The following BIN3 variants were observed in gnomAD, a reference collection of about 807,000 sequenced individuals.
BIN3 encodes bridging integrator 3.
Under a neutral mutation model 38.2 loss-of-function variants are expected in BIN3, and 41 were observed. The observed-to-expected ratio is 1.07, with a 90% CI of 0.84 to 1.39. BIN3 has a LOEUF of 1.39. Among genes scored for constraint, BIN3 ranks in the 40% most tolerant of loss-of-function variants. The pLI, the probability that BIN3 is intolerant of heterozygous loss-of-function variation, is 0.00. For missense variants in BIN3, 361 were observed against 324.3 expected, an observed-to-expected ratio of 1.11 and a Z score of -0.87; for synonymous variants, 145 against 122.6, an observed-to-expected ratio of 1.18 and a Z score of -1.21.
chr8:22,653,801 ATT>A (rs953033008), intron 1 of BIN3, among the ~76,000 whole-genome samples: 26 of 152,186 alleles, frequency 1.7e-4, no homozygotes, highest in Non-Finnish European at 1.8e-4. Context: ...GGAAAGGTCC[ATT>A]TAAGTTGGGA....
intron 4 of BIN3, among the ~76,000 whole-genome samples, chr8:22,634,253 TC>T (rs1410606894): frequency 6.6e-6 from 1 of 152,100 alleles, no homozygotes; most frequent in Non-Finnish European, 1.5e-5. Flanking sequence ...AACTCCCAAA[TC>T]CAGTCCTTGG....
At position 22,668,922 on chromosome 8, in the gene BIN3, C is replaced by T. The variant is rs1028289378; in HGVS notation, c.8+122G>A. On this transcript the variant is annotated intron_variant, in intron 1 of 8. Transcript: ENST00000276416. ...CGACCCTAGGGCAGGGGCTGTCGGG[C>T]CTTGCTCTGGGGCGGAGGGGTCGCG... is the stretch of plus-strand genomic sequence containing the variant. 4.7e-5 allele frequency: 63 copies of T among 1,331,552 alleles called. 1 individual carries two copies. In the East Asian group the frequency reaches 1.6e-3, roughly 34 times the overall value. The allele number at this position is 1,331,552 out of a possible 1,614,324, so 82.5% of individuals were successfully genotyped here. A position where few individuals can be genotyped will look rare whatever the true frequency, so the allele number is the denominator to read the frequency against.
chr8:22,661,613 C>A (rs566725913), intron 1 of BIN3, among the ~76,000 whole-genome samples: 1 of 151,820 alleles, frequency 6.6e-6, no homozygotes, highest in Admixed American at 6.6e-5. Context: ...TTGCCTTGAC[C>A]TCCCAGAGTG....
At chr8:22,658,186 G>C (rs1803120875) in intron 1 of BIN3, among the ~76,000 whole-genome samples, 1 of 152,208 alleles carries the variant, frequency 6.6e-6, no homozygotes, top group African/African-American at 2.4e-5. Flanking sequence ...GGCAGGAGAA[G>C]AGATATTTTA....
rs764939759 is a variant in BIN3 at position 22,630,039 on chromosome 8, T to C, written c.298-35A>G. 1.2e-5 allele frequency: 19 copies of C among 1,591,756 alleles called. No homozygotes were observed. In the East Asian group the frequency reaches 4.3e-4, roughly 36 times the overall value. Reference sequence around the variant, plus strand: ...AAAAACCCAAAGACATTAAAACTGGTGGGGAGGGGAGGGCGACACGCAAGG... The same window carrying C: ...AAAAACCCAAAGACATTAAAACTGGCGGGGAGGGGAGGGCGACACGCAAGG... On this transcript the variant is annotated intron_variant, in intron 5 of 8. Coordinates refer to ENST00000276416, the MANE Select transcript of BIN3 (RefSeq NM_018688.6).
chr8:22,647,705 G>A (rs545608694), intron 1 of BIN3, among the ~76,000 whole-genome samples: 33 of 152,214 alleles, frequency 2.2e-4, no homozygotes, highest in African/African-American at 7.5e-4. Context: ...CTCTTTCCTT[G>A]TATTTTCACC....
At chr8:22,636,860 C>G (rs1216586188) in intron 3 of BIN3, 62 bp downstream of exon 3, 1 of 1,555,046 alleles carries the variant, frequency 6.4e-7, no homozygotes, top group Non-Finnish European at 8.9e-7. Flanking sequence ...ACAGGTGAGA[C>G]CTGGCAGGGG....
At chr8:22,639,098 G>A (rs1366270267) in intron 2 of BIN3, among the ~76,000 whole-genome samples, 1 of 152,254 alleles carries the variant, frequency 6.6e-6, no homozygotes, top group Non-Finnish European at 1.5e-5. Flanking sequence ...CCTCGCCAGG[G>A]CCCTTGAAAG....
intron 4 of BIN3, among the ~76,000 whole-genome samples, chr8:22,632,307 G>A (rs1010832554): frequency 1.1e-4 from 16 of 152,302 alleles, no homozygotes; most frequent in African/African-American, 3.4e-4. Flanking sequence ...GCCTCCGCCA[G>A]GCCCCTTCAC....
At chr8:22,630,708 GAA>G in intron 4 of BIN3, 130 bp from the exon 5 acceptor site, 1 of 1,007,696 alleles carries the variant, frequency 9.9e-7, no homozygotes, top group Non-Finnish European at 1.4e-6. Flanking sequence ...CGGCCGTCAA[GAA>G]CGGCGAAGTA....
intron 2 of BIN3, among the ~76,000 whole-genome samples, chr8:22,642,847 G>T (rs187124218): frequency 2.0e-5 from 3 of 152,292 alleles, no homozygotes; most frequent in Non-Finnish European, 4.4e-5. Context: ...GTCTATCAGA[G>T]AGCAGATGCC....
chr8:22,623,415 G>A (rs773599121), intron 8 of BIN3, among the ~76,000 whole-genome samples: 2 of 152,178 alleles, frequency 1.3e-5, no homozygotes, highest in Non-Finnish European at 2.9e-5. Flanking sequence ...AGCCCTGATT[G>A]TGGCTCTCCC....
At chr8:22,662,893 T>C (rs1803280427) in intron 1 of BIN3, among the ~76,000 whole-genome samples, 1 of 152,074 alleles carries the variant, frequency 6.6e-6, no homozygotes, top group Admixed American at 6.5e-5. Context: ...TCCCAGCACT[T>C]TGGGAGGCCA....
At chr8:22,639,801 A>G (rs1802482833) in intron 2 of BIN3, among the ~76,000 whole-genome samples, 1 of 152,158 alleles carries the variant, frequency 6.6e-6, no homozygotes, top group Non-Finnish European at 1.5e-5. Context: ...GATGTTGGTT[A>G]AGGGTGGAGT....
chr8:22,636,772 C>A, intron 3 of BIN3, 150 bp downstream of exon 3: 1 of 1,044,174 alleles, frequency 9.6e-7, no homozygotes, highest in Non-Finnish European at 1.4e-6. Context: ...TGGCCATTGC[C>A]AGGGAACAGT....
intron 1 of BIN3, among the ~76,000 whole-genome samples, chr8:22,648,705 A>C (rs1206339261): frequency 3.3e-5 from 5 of 152,156 alleles, no homozygotes; most frequent in Admixed American, 3.3e-4. Flanking sequence ...ACTCCTTGGG[A>C]GGAAGCCATC....
chr8:22,630,531 G>T lies in BIN3; in HGVS notation c.208C>A (p.Pro70Thr). ...AGGTCCTGGTCTTGCTCACAGAGGG[G>T]ATTGGAGAGTAAGTCCAAGGATATC... Reference protein sequence around the residue: ...VKISLDLLSNPLCEQDQDLLN... With the variant: ...VKISLDLLSNTLCEQDQDLLN... The change falls in exon 5 of 9, where the codon CCC becomes ACC. Residue 70 changes from proline (P) to threonine (T), a missense_variant. Transcript: ENST00000276416. 6.2e-7 allele frequency: 1 copy of T among 1,614,054 alleles called. No individual in the cohort carries two copies. Among genetic ancestry groups the T allele is most frequent in the Non-Finnish European group, 8.5e-7 (1 of 1,179,892 alleles).
intron 1 of BIN3, 80 bp from the exon 2 acceptor site, chr8:22,644,883 A>G: frequency 7.7e-7 from 1 of 1,298,556 alleles, no homozygotes; most frequent in East Asian, 2.5e-5. Context: ...AGTACAGGCC[A>G]CTTTCCCCCA....
intron 5 of BIN3, 33 bp from the exon 6 acceptor site, chr8:22,630,037 G>T (rs1315553277): frequency 5.0e-6 from 8 of 1,592,382 alleles, no homozygotes; most frequent in Non-Finnish European, 6.9e-6. Context: ...CATTAAAACT[G>T]GTGGGGAGGG....
Sources: allele counts gnomAD v4.1 joint callset (sites outside exome capture counted in the v4.1 genomes callset), GRCh38; gene constraint gnomAD v4.1.1; transcripts MANE v1.5; gene names NCBI Gene and HGNC (gene_info 2026-07-23, HGNC 2026-07-21).